Variants in LINC00305 observed in about 807,000 individuals in gnomAD.
The protein encoded by LINC00305 is long intergenic non-protein coding RNA 305.
chr18:64,089,193 G>A (rs534991741), intron 3 of LINC00305, among the ~76,000 whole-genome samples: 16 of 152,118 alleles, frequency 1.1e-4, no homozygotes, highest in South Asian at 2.1e-4. Context: ...TCATGGGGGC[G>A]GTTTTCCCCA....
chr18:64,143,617 C>CATATGTATATGTACATATGTAT (rs1645430594), intron 1 of LINC00305, among the ~76,000 whole-genome samples: 1 of 115,036 alleles, frequency 8.7e-6, no homozygotes, highest in African/African-American at 3.5e-5. Context: ...TACATATGTA[C>CATATGTATATGTACATATGTAT]ACATATGTAT....
chr18:64,146,371 C>T (rs1208698004), intron 1 of LINC00305, among the ~76,000 whole-genome samples: 2 of 152,128 alleles, frequency 1.3e-5, no homozygotes, highest in African/African-American at 2.4e-5. Flanking sequence ...TGTAGTTGGA[C>T]TTTGTATGTG....
chr18:64,127,862 C>T lies in LINC00305; in HGVS notation n.314+20913G>A, dbSNP rs73962153. ...TTTCTCTCGTGGATTACTCTATTTT[C>T]TAAATTTTATTCTCATGTAGAGGGC... On this transcript the variant is annotated intron_variant and non_coding_transcript_variant, in intron 1 of 3. Coordinates refer to ENST00000666468, the Ensembl canonical transcript of LINC00305. Among the ~76,000 whole-genome samples the T allele has an allele frequency of 4.8e-3, 724 of 152,132 alleles. 6 individuals carry two copies. Among genetic ancestry groups the T allele is most frequent in the African/African-American group, 0.017 (695 of 41,524 alleles).
intron 1 of LINC00305, among the ~76,000 whole-genome samples, chr18:64,103,404 G>T (rs749945476): frequency 4.6e-5 from 7 of 152,108 alleles, no homozygotes; most frequent in Non-Finnish European, 8.8e-5. Context: ...AGTCTCTCTT[G>T]TTACTAATGA....
chr18:64,130,608 C>T (rs1041651673), intron 1 of LINC00305, among the ~76,000 whole-genome samples: 7 of 151,970 alleles, frequency 4.6e-5, no homozygotes. Flanking sequence ...AATGGACTAA[C>T]TGAAATAAAA....
chr18:64,080,444 G>T (rs1409822177), intron 3 of LINC00305: 1 of 416,430 alleles, frequency 2.4e-6, no homozygotes, highest in Non-Finnish European at 4.8e-6. Flanking sequence ...AGTAGAGAAA[G>T]AGTTTAAACT....
intron 1 of LINC00305, among the ~76,000 whole-genome samples, chr18:64,121,997 C>T (rs955555384): frequency 3.3e-5 from 5 of 152,036 alleles, no homozygotes; most frequent in Non-Finnish European, 1.5e-5. Context: ...TGAGAAATGT[C>T]TATTAATGTC....
At chr18:64,087,396 G>A (rs2051207354) in intron 3 of LINC00305, among the ~76,000 whole-genome samples, 2 of 152,148 alleles carry the variant, frequency 1.3e-5, no homozygotes, top group Non-Finnish European at 2.9e-5. Flanking sequence ...ACTAAAGATG[G>A]TTAGTAAAAT....
At chr18:64,138,760 C>T (rs2051447028) in intron 1 of LINC00305, among the ~76,000 whole-genome samples, 1 of 152,136 alleles carries the variant, frequency 6.6e-6, no homozygotes, top group Admixed American at 6.5e-5. Context: ...TAATTTCGGA[C>T]AGAATCTTTT....
chr18:64,080,559 G>C (rs1242962314), intron 3 of LINC00305, among the ~76,000 whole-genome samples: 1 of 151,936 alleles, frequency 6.6e-6, no homozygotes, highest in East Asian at 1.9e-4. Flanking sequence ...AAAAATAATT[G>C]AATAAATGTT....
chr18:64,143,734 CCACATATTATGCGTACATGTATGTA>C (rs759048380), intron 1 of LINC00305, among the ~76,000 whole-genome samples: 22,030 of 108,054 alleles, frequency 0.2, 2,176 homozygotes, highest in South Asian at 0.25. Flanking sequence ...ACATGTATGT[CCACATATTATGCGTACATGTATGTA>C]CACATATTAT....
intron 1 of LINC00305, among the ~76,000 whole-genome samples, chr18:64,142,485 G>A (rs1031441899): frequency 1.3e-5 from 2 of 152,112 alleles, no homozygotes; most frequent in African/African-American, 2.4e-5. Flanking sequence ...AGTCAAAGAG[G>A]CAGTTATCCC....
chr18:64,134,741 A>G (rs2051424915), intron 1 of LINC00305, among the ~76,000 whole-genome samples: 1 of 152,234 alleles, frequency 6.6e-6, no homozygotes, highest in Non-Finnish European at 1.5e-5. Flanking sequence ...TTTTCCCAAA[A>G]CAAAAGTGTA....
intron 3 of LINC00305, among the ~76,000 whole-genome samples, chr18:64,093,742 T>TAAATGATG (rs2051234125): frequency 1.3e-5 from 2 of 152,220 alleles, no homozygotes; most frequent in Non-Finnish European, 2.9e-5. Context: ...AAGAGAGTTT[T>TAAATGATG]AAATGATGAG....
At chr18:64,111,888 TA>T (rs1376643600) in intron 1 of LINC00305, among the ~76,000 whole-genome samples, 1 of 152,210 alleles carries the variant, frequency 6.6e-6, no homozygotes, top group Non-Finnish European at 1.5e-5. Flanking sequence ...CCGGGAACAG[TA>T]ATGTATGCAA....
At chr18:64,114,248 C>T (rs746508681) in intron 1 of LINC00305, among the ~76,000 whole-genome samples, 6 of 152,036 alleles carry the variant, frequency 3.9e-5, no homozygotes, top group Admixed American at 1.3e-4. Flanking sequence ...CCAGCCTGGG[C>T]GACAGAAAAT....
chr18:64,080,089 A>G, exon 4 of LINC00305: 1 of 178,268 alleles, frequency 5.6e-6, no homozygotes, highest in Non-Finnish European at 1.2e-5. Context: ...AAATAAATGG[A>G]GAGTGAACTC....
At chr18:64,113,196 A>T (rs2051322713) in intron 1 of LINC00305, among the ~76,000 whole-genome samples, 1 of 152,218 alleles carries the variant, frequency 6.6e-6, no homozygotes, top group African/African-American at 2.4e-5. Context: ...AGTCAGAGGG[A>T]CGAGGGAACT....
At chr18:64,142,754 TGTATATAACCCCAGGAAC>T (rs567681261) in intron 1 of LINC00305, among the ~76,000 whole-genome samples, 49 of 152,260 alleles carry the variant, frequency 3.2e-4, no homozygotes, top group Admixed American at 7.2e-4. Context: ...CCAGGAACCT[TGTATATAACCCCAGGAAC>T]CTTCTCCATG....
Sources: gnomAD v4.1 joint callset for allele counts (sites outside exome capture counted in the v4.1 genomes callset) on GRCh38, gnomAD v4.1.1 for gene constraint, MANE v1.5 for transcripts, NCBI Gene and HGNC (gene_info 2026-07-23, HGNC 2026-07-21) for gene names.